BCKDHA: variants seen among roughly 807,000 people sequenced by gnomAD.
The protein encoded by BCKDHA is branched chain keto acid dehydrogenase E1 subunit alpha, also known as 2-oxoisovalerate dehydrogenase subunit alpha, mitochondrial.
A neutral mutation model predicts 52.2 loss-of-function variants in BCKDHA; 43 were observed. The observed-to-expected ratio is 0.82, with a 90% confidence interval of 0.64 to 1.06. BCKDHA has a LOEUF of 1.06. Ranked by LOEUF, BCKDHA falls within the 50% of genes least tolerant of loss-of-function variation. The probability of loss-of-function intolerance (pLI) is 0.00; values close to 1 mark genes in which losing one functional copy is unlikely to be tolerated. For synonymous variants in BCKDHA, 234 were observed against 247.9 expected, an observed-to-expected ratio of 0.94 and a Z score of 0.53; for missense variants, 527 against 621.3, an observed-to-expected ratio of 0.85 and a Z score of 1.61.
chr19:41,405,306 T>C (rs1266000803), intron 1 of BCKDHA, among the ~76,000 whole-genome samples: 1 of 151,846 alleles, frequency 6.6e-6, no homozygotes, highest in Admixed American at 6.6e-5. Context: ...CTTTTTTTTT[T>C]CCTTGAGACA....
At chr19:41,422,829 C>T in intron 7 of BCKDHA, 59 bp downstream of exon 7, 8 of 1,608,928 alleles carry the variant, frequency 5.0e-6, no homozygotes, top group Non-Finnish European at 6.8e-6. Flanking sequence ...GTAGCATCTT[C>T]CTCATATCGA....
rs761710545 is a variant in BCKDHA, at chr19:41,414,146, A to G, written c.473A>G (p.Tyr158Cys). Residue 158 changes from tyrosine to cysteine, a missense_variant, in exon 4 of 9, where the codon TAC (tyrosine) becomes TGC (cysteine). Transcript: ENST00000269980. ...AACACGGACCTGGTGTTTGGCCAGTACCGGGAGGCAGGTACGTCTGTCCGT... is the reference window on the plus strand; with the variant it reads ...AACACGGACCTGGTGTTTGGCCAGTGCCGGGAGGCAGGTACGTCTGTCCGT... Reference protein sequence around the residue: ...LDNTDLVFGQYREAGVLMYRD... With the variant: ...LDNTDLVFGQCREAGVLMYRD... The G allele has an allele frequency of 1.2e-6, 2 of 1,613,526 alleles. No homozygotes were observed. Among genetic ancestry groups the G allele is most frequent in the Non-Finnish European group, 1.7e-6 (2 of 1,180,002 alleles).
Position 41,405,264 on chromosome 19 carries a change from A to C in BCKDHA, c.109-5373A>C, listed in dbSNP as rs373665566. ...CCTCGGTGTACACAGGAGGAAACTG[A>C]GGCTCAGGGAGTTTTTCTTTAAAAA... On this transcript the variant is annotated intron_variant, in intron 1 of 8. Coordinates refer to ENST00000269980, the MANE Select transcript of BCKDHA (RefSeq NM_000709.4). Among the ~76,000 whole-genome samples the C allele has an allele frequency of 3.5e-4, 54 of 152,222 alleles. No individual in the cohort carries two copies. The East Asian group carries it at 4.6e-3, about 13-fold the overall frequency.
chr19:41,406,545 A>G (rs1437659655), intron 1 of BCKDHA, among the ~76,000 whole-genome samples: 2 of 148,856 alleles, frequency 1.3e-5, no homozygotes. Flanking sequence ...TCTGGACTAC[A>G]TGTAAATGCC....
At chr19:41,414,401 T>A (rs2039287729) in intron 4 of BCKDHA, among the ~76,000 whole-genome samples, 1 of 152,042 alleles carries the variant, frequency 6.6e-6, no homozygotes. Context: ...AGTTGTCAGG[T>A]TTTGGGCAAG....
intron 1 of BCKDHA, 67 bp from the exon 2 acceptor site, chr19:41,410,570 G>T (rs2039240049): frequency 1.9e-6 from 3 of 1,585,786 alleles, no homozygotes; most frequent in African/African-American, 1.3e-5. Flanking sequence ...CCTGCCGCCG[G>T]GGCTGAGCCA....
chr19:41,405,453 A>G (rs2039182556), intron 1 of BCKDHA, among the ~76,000 whole-genome samples: 1 of 151,810 alleles, frequency 6.6e-6, no homozygotes, highest in Non-Finnish European at 1.5e-5. Flanking sequence ...TGCCCAGCTA[A>G]TTTTTTGTAG....
Position 41,423,154 on chromosome 19 carries a change from G to A in BCKDHA, c.1152G>A (p.Lys384=). The A allele has an allele frequency of 1.9e-6, 3 of 1,555,216 alleles. No individual in the cohort carries two copies. Among genetic ancestry groups the A allele is most frequent in the Non-Finnish European group, 2.6e-6 (3 of 1,149,606 alleles). ...WDEEQEKAWR[K]QSRRKVMEAF... is the part of the protein sequence containing the mutation. ...AGGAGCAGGAGAAGGCCTGGAGGAA[G>A]CAGTCCCGCAGGAAGGTGAGGGTGC... Residue 384 remains lysine (K), a synonymous_variant, in exon 8 of 9, where the codon AAG becomes AAA. Coordinates refer to ENST00000269980, the MANE Select transcript of BCKDHA (RefSeq NM_000709.4).
At chr19:41,410,092 G>A (rs1456866080) in intron 1 of BCKDHA, among the ~76,000 whole-genome samples, 2 of 152,164 alleles carry the variant, frequency 1.3e-5, no homozygotes, top group African/African-American at 2.4e-5. Flanking sequence ...AACCTAGGCA[G>A]TCTGACTCTT....
At position 41,422,389 on chromosome 19, in the gene BCKDHA, G is replaced by A. The variant is rs757376582; in HGVS notation, c.853+19G>A. On this transcript the variant is annotated intron_variant, in intron 6 of 8. Coordinates refer to ENST00000269980, the MANE Select transcript of BCKDHA (RefSeq NM_000709.4). ...GGCATTGGTATGGGCTCTGCTGGCTGCTCCCCACCCCGCTGGGATCATCTC... is the reference window on the plus strand; with the variant it reads ...GGCATTGGTATGGGCTCTGCTGGCTACTCCCCACCCCGCTGGGATCATCTC... The A allele has an allele frequency of 6.8e-6, 11 of 1,613,718 alleles. No homozygotes were observed. In the East Asian group the frequency reaches 2.5e-4, roughly 36 times the overall value.
rs1599962569 is a variant in BCKDHA at position 41,423,110 on chromosome 19, AGCCAAGGCTG to A, written c.1110_1119del (p.Gln371GlyfsTer17). The A allele has an allele frequency of 6.4e-7, 1 of 1,565,498 alleles. No homozygotes were observed. Among genetic ancestry groups the A allele is most frequent in the Non-Finnish European group, 8.7e-7 (1 of 1,154,808 alleles). On this transcript the variant is annotated frameshift_variant, in exon 8 of 9. Transcript: ENST00000269980. LOFTEE classifies it high-confidence loss of function. ...CTCCCGGCTGCGGCACTATCTGCTGAGCCAAGGCTGGTGGGATGAGGAGCAGGAGAAGGCC... is the reference window on the plus strand; with the variant it reads ...CTCCCGGCTGCGGCACTATCTGCTGAGTGGGATGAGGAGCAGGAGAAGGCC...
chr19:41,414,114 C>G lies in BCKDHA; in HGVS notation c.441C>G (p.Ala147=), dbSNP rs2039284438. ...EEGTHVGSAA[A]LDNTDLVFGQ... ...GCACGCACGTGGGGAGTGCCGCCGC[C>G]CTGGACAACACGGACCTGGTGTTTG... The change falls in exon 4 of 9, where the codon GCC becomes GCG. Residue 147 remains alanine, a synonymous_variant. Coordinates refer to ENST00000269980, the MANE Select transcript of BCKDHA (RefSeq NM_000709.4). 1.2e-6 allele frequency: 2 copies of G among 1,613,730 alleles called. No individual in the cohort carries two copies. Among genetic ancestry groups the G allele is most frequent in the Non-Finnish European group, 8.5e-7 (1 of 1,180,040 alleles).
chr19:41,414,494 G>C (rs1335470611), intron 4 of BCKDHA, among the ~76,000 whole-genome samples: 1 of 152,134 alleles, frequency 6.6e-6, no homozygotes, highest in Non-Finnish European at 1.5e-5. Flanking sequence ...TCGCTGGGAG[G>C]ATGCAGTGAA....
rs140567172 is a variant in BCKDHA at position 41,415,892 on chromosome 19, C to T, written c.484+1735C>T. Among the ~76,000 whole-genome samples the T allele has an allele frequency of 2.7e-3, 408 of 150,622 alleles. 3 individuals are homozygous for T. The highest frequency in any genetic ancestry group is 9.6e-3 in the African/African-American group (391 of 40,766). ...TTGATCTCCTGACCTTGCGATCCGC[C>T]CTCCTCCACCTCCTAAAGTGCTGGG... On this transcript the variant is annotated intron_variant, in intron 4 of 8. Transcript: ENST00000269980.
intron 3 of BCKDHA, 21 bp from the exon 4 acceptor site, chr19:41,414,028 C>G (rs761604280): frequency 7.5e-6 from 12 of 1,600,582 alleles, no homozygotes; most frequent in Non-Finnish European, 9.4e-6. Context: ...TGTGGGACCC[C>G]GGTCCCCTCT....
intron 4 of BCKDHA, among the ~76,000 whole-genome samples, chr19:41,416,314 G>A (rs1390839088): frequency 3.3e-5 from 5 of 152,164 alleles, no homozygotes; most frequent in South Asian, 2.1e-4. Context: ...ACTGCAGAGC[G>A]AGGGCACACC....
At chr19:41,417,257 C>T (rs1387966054) in intron 4 of BCKDHA, among the ~76,000 whole-genome samples, 1 of 152,066 alleles carries the variant, frequency 6.6e-6, no homozygotes, top group Non-Finnish European at 1.5e-5. Context: ...CTCAAGCAGT[C>T]CACCTGCCTC....
chr19:41,414,354 A>G (rs1250196586), intron 4 of BCKDHA, among the ~76,000 whole-genome samples, 197 bp downstream of exon 4: 1 of 152,188 alleles, frequency 6.6e-6, no homozygotes, highest in Non-Finnish European at 1.5e-5. Flanking sequence ...CAGAAAGTGT[A>G]GTGGCTCAGG....
chr19:41,416,783 G>T (rs954353389), intron 4 of BCKDHA, among the ~76,000 whole-genome samples: 1 of 152,052 alleles, frequency 6.6e-6, no homozygotes. Context: ...GCCAGGCGTG[G>T]TGGTGCACAC....
Sources: allele counts gnomAD v4.1 joint callset (sites outside exome capture counted in the v4.1 genomes callset), GRCh38; gene constraint gnomAD v4.1.1; transcripts MANE v1.5; gene names NCBI Gene and HGNC (gene_info 2026-07-23, HGNC 2026-07-21).